The following HIF3A variants were observed in gnomAD, a reference collection of about 807,000 sequenced individuals.
The protein encoded by HIF3A is hypoxia inducible factor 3 subunit alpha.
HIF3A carries 41 observed loss-of-function variants against 67.2 expected under a neutral mutation model. The observed-to-expected ratio is 0.61, with a 90% CI of 0.48 to 0.79. HIF3A has a LOEUF of 0.79. HIF3A is among the 30% of genes least tolerant of loss of function. HIF3A has a pLI of 0.00. For missense variants in HIF3A, 855 were observed against 898.0 expected, an observed-to-expected ratio of 0.95 and a Z score of 0.61; for synonymous variants, 356 against 374.8, an observed-to-expected ratio of 0.95 and a Z score of 0.58.
chr19:46,316,953 T>C (rs1485591660), intron 8 of HIF3A, among the ~76,000 whole-genome samples: 1 of 148,056 alleles, frequency 6.8e-6, no homozygotes, highest in Non-Finnish European at 1.5e-5. Flanking sequence ...TGTATATAAA[T>C]TTTTTTTGAA....
At position 46,342,100 on chromosome 19, in the gene HIF3A, T is replaced by C. The variant is rs1293323738; in HGVS notation, c.*2478T>C. 2 of 152,224 alleles carry C rather than the reference T, an allele frequency of 1.3e-5. No individual in the cohort carries two copies. Among genetic ancestry groups the C allele is most frequent in the Non-Finnish European group, 2.9e-5 (2 of 68,058 alleles). 9.4% of individuals were successfully genotyped at this position (152,224 alleles called of 1,614,324 possible). The stretch of plus-strand genomic sequence containing the variant: ...GGTCCTGATTCAAGATCTGGTGATC[T>C]GCTGTTTCTCTGGTTCTAGAACTGA... On this transcript the variant is annotated 3_prime_UTR_variant, in exon 15 of 15. Coordinates refer to ENST00000377670, the MANE Select transcript of HIF3A (RefSeq NM_152795.4).
Position 46,320,501 on chromosome 19 carries a change from A to C in HIF3A, c.1084A>C (p.Arg362=). The C allele has an allele frequency of 6.2e-7, 1 of 1,614,152 alleles. No individual in the cohort carries two copies. The highest frequency in any genetic ancestry group is 2.2e-5 in the East Asian group (1 of 44,858). ...SLEQTEQHSR[R]PIQRGAPSQK... ...GGAGCAAACGGAGCAACACTCTCGCAGACCCATTCAGCGGGGCGCCCCCTC... is the reference window on the plus strand; with the variant it reads ...GGAGCAAACGGAGCAACACTCTCGCCGACCCATTCAGCGGGGCGCCCCCTC... The change falls in exon 9 of 15, where the codon AGA becomes CGA. Residue 362 remains arginine, a synonymous_variant. Transcript: ENST00000377670.
chr19:46,312,611 G>T lies in HIF3A; in HGVS notation c.983G>T (p.Gly328Val). 6.3e-7 allele frequency: 1 copy of T among 1,592,094 alleles called. No individual in the cohort carries two copies. Among genetic ancestry groups the T allele is most frequent in the Non-Finnish European group, 8.6e-7 (1 of 1,168,976 alleles). ...TQATVVSGGRGPQSESIVCVH... is the reference protein window; with the variant it reads ...TQATVVSGGRVPQSESIVCVH... ...GCCACAGTGGTGTCAGGGGGACGGG[G>T]CCCCCAGTCGGAGAGTATCGTCTGT... Residue 328 changes from glycine (G) to valine (V), a missense_variant, in exon 8 of 15, where the codon GGC becomes GTC. By Grantham distance (109) the Gly-to-Val change is moderately radical (BLOSUM62 -3). Coordinates refer to ENST00000377670, the MANE Select transcript of HIF3A (RefSeq NM_152795.4).
intron 14 of HIF3A, 113 bp from the exon 15 acceptor site, chr19:46,339,412 G>T (rs562175735): frequency 2.8e-6 from 2 of 722,918 alleles, no homozygotes; most frequent in South Asian, 7.1e-5. Flanking sequence ...TTGTTCGAGT[G>T]TTCAATTTCC....
chr19:46,304,137 GA>G, intron 2 of HIF3A, 49 bp downstream of exon 2: 4 of 1,488,964 alleles, frequency 2.7e-6, no homozygotes, highest in East Asian at 2.5e-5. Flanking sequence ...CCCGCCCACG[GA>G]AAAAAACTAC....
intron 2 of HIF3A, 114 bp downstream of exon 2, chr19:46,304,202 CT>C (rs1968610152): frequency 5.5e-6 from 5 of 904,282 alleles, no homozygotes; most frequent in Admixed American, 3.2e-5. Flanking sequence ...GCCCCGCCCC[CT>C]GGTGTCGTTT....
At chr19:46,307,014 G>A (rs991924991) in intron 3 of HIF3A, among the ~76,000 whole-genome samples, 11 of 152,078 alleles carry the variant, frequency 7.2e-5, no homozygotes, top group African/African-American at 2.7e-4. Flanking sequence ...GTCTCATCTC[G>A]GGGCCTTGCG....
chr19:46,318,768 A>C (rs974261943), intron 8 of HIF3A, among the ~76,000 whole-genome samples: 3 of 151,630 alleles, frequency 2.0e-5, no homozygotes, highest in African/African-American at 7.3e-5. Flanking sequence ...CTACAGGCGC[A>C]TGCCACCACA....
At chr19:46,302,073 TATA>T (rs1392386033) in intron 1 of HIF3A, among the ~76,000 whole-genome samples, 1 of 152,158 alleles carries the variant, frequency 6.6e-6, no homozygotes, top group Non-Finnish European at 1.5e-5. Flanking sequence ...TAACACATCA[TATA>T]ATAATTTTTT....
At position 46,321,761 on chromosome 19, in the gene HIF3A, C is replaced by T; in HGVS notation, c.1145-15C>T. Reference sequence around the variant, plus strand: ...TCACCAGCCCGTGTCCTCCCCATCTCCATGTGTCCTGCAGACACCCCTGGC... The same window carrying T: ...TCACCAGCCCGTGTCCTCCCCATCTTCATGTGTCCTGCAGACACCCCTGGC... On this transcript the variant is annotated splice_polypyrimidine_tract_variant and intron_variant, in intron 9 of 14. Transcript: ENST00000377670. The T allele has an allele frequency of 6.2e-7, 1 of 1,610,376 alleles. No homozygotes were observed. Among genetic ancestry groups the T allele is most frequent in the Non-Finnish European group, 8.5e-7 (1 of 1,178,052 alleles).
At chr19:46,330,489 G>GGGAT (rs560533077) in intron 12 of HIF3A, among the ~76,000 whole-genome samples, 109 of 151,530 alleles carry the variant, frequency 7.2e-4, no homozygotes, top group East Asian at 1.9e-3. Flanking sequence ...GATGGATGGA[G>GGGAT]GGATGGATGG....
chr19:46,308,484 GAC>G (rs773970772), intron 4 of HIF3A, 177 bp from the exon 5 acceptor site: 1 of 629,662 alleles, frequency 1.6e-6, no homozygotes, highest in Non-Finnish European at 2.8e-6. Context: ...GGTCTGAGGG[GAC>G]ACAGCCCTGC....
intron 9 of HIF3A, among the ~76,000 whole-genome samples, chr19:46,321,146 G>T (rs1361433268): frequency 2.6e-5 from 4 of 152,060 alleles, no homozygotes; most frequent in Non-Finnish European, 5.9e-5. Flanking sequence ...AACCTCTGGG[G>T]ACCTTACAGC....
At chr19:46,327,821 G>T (rs73940674) in intron 11 of HIF3A, among the ~76,000 whole-genome samples, 3 of 152,126 alleles carry the variant, frequency 2.0e-5, no homozygotes, top group Non-Finnish European at 4.4e-5. Flanking sequence ...AAAGAATACA[G>T]ATCAGAAACA....
At chr19:46,338,365 G>A (rs1486908136) in intron 14 of HIF3A, 1 of 411,828 alleles carries the variant, frequency 2.4e-6, no homozygotes, top group Non-Finnish European at 4.8e-6. Flanking sequence ...ATCATGCCTG[G>A]CTGATGTTTA....
chr19:46,302,095 T>C (rs887482215), intron 1 of HIF3A, among the ~76,000 whole-genome samples: 1 of 152,106 alleles, frequency 6.6e-6, no homozygotes, highest in Non-Finnish European at 1.5e-5. Context: ...TTATTTTGCC[T>C]ATTTTTGTTA....
intron 13 of HIF3A, among the ~76,000 whole-genome samples, chr19:46,334,372 G>A (rs144294852): frequency 1.7e-3 from 265 of 152,098 alleles, no homozygotes; most frequent in African/African-American, 5.8e-3. Flanking sequence ...GATTACAGGC[G>A]TGAGCCGCCA....
chr19:46,309,800 C>T (rs186950777), intron 6 of HIF3A, among the ~76,000 whole-genome samples: 4 of 152,170 alleles, frequency 2.6e-5, no homozygotes, highest in East Asian at 3.9e-4. Context: ...AATAAATTGT[C>T]GATAGGCCAG....
At chr19:46,333,374 G>C (rs1374410653) in intron 13 of HIF3A, among the ~76,000 whole-genome samples, 1 of 152,138 alleles carries the variant, frequency 6.6e-6, no homozygotes, top group Non-Finnish European at 1.5e-5. Flanking sequence ...ATCAGCCCTG[G>C]CCTGAAGGTG....
Sources: allele counts gnomAD v4.1 joint callset (sites outside exome capture counted in the v4.1 genomes callset), GRCh38; gene constraint gnomAD v4.1.1; transcripts MANE v1.5; gene names NCBI Gene and HGNC (gene_info 2026-07-23, HGNC 2026-07-21).